PTPRT: variants seen among roughly 807,000 people sequenced by gnomAD.
PTPRT encodes the protein receptor-type tyrosine-protein phosphatase T.
PTPRT carries 56 observed loss-of-function variants against 176.8 expected under a neutral mutation model. That is an observed-to-expected ratio of 0.32 (90% confidence interval 0.26 to 0.40). The LOEUF is 0.40. Ranked by LOEUF, PTPRT falls within the 10% of genes least tolerant of loss-of-function variation. The pLI, the probability that PTPRT is intolerant of heterozygous loss-of-function variation, is 1.00. For synonymous variants in PTPRT, 783 were observed against 739.0 expected (o/e 1.06, Z -0.96); for missense variants, 1,540 against 1,908.2 (o/e 0.81, Z 3.60).
chr20:42,346,297 G>C (rs576477289), intron 11 of PTPRT, among the ~76,000 whole-genome samples: 1 of 152,306 alleles, frequency 6.6e-6, no homozygotes, highest in East Asian at 1.9e-4. Flanking sequence ...TCACTTCAGG[G>C]ACTGCATTAT....
chr20:42,329,496 C>CACAT (rs1555825540), intron 11 of PTPRT, among the ~76,000 whole-genome samples: 10 of 142,654 alleles, frequency 7.0e-5, no homozygotes, highest in East Asian at 2.0e-4. Flanking sequence ...CACACACACA[C>CACAT]ACACACATAC....
chr20:43,056,541 C>T (rs1987240701), intron 1 of PTPRT, among the ~76,000 whole-genome samples: 1 of 152,202 alleles, frequency 6.6e-6, no homozygotes, highest in Non-Finnish European at 1.5e-5. Flanking sequence ...ATGAGGCATA[C>T]ACACACGGTC....
intron 1 of PTPRT, among the ~76,000 whole-genome samples, chr20:42,895,350 T>C (rs909156783): frequency 1.3e-5 from 2 of 152,186 alleles, no homozygotes; most frequent in African/African-American, 2.4e-5. Context: ...CCCAGCCCAA[T>C]GGAACTAAGG....
chr20:42,350,141 A>C (rs2058254347), intron 11 of PTPRT, among the ~76,000 whole-genome samples: 1 of 151,002 alleles, frequency 6.6e-6, no homozygotes, highest in African/African-American at 2.4e-5. Flanking sequence ...GACCCCACTA[A>C]CTAAATTTAC....
chr20:42,492,705 T>G (rs1233008307), intron 7 of PTPRT, among the ~76,000 whole-genome samples: 1 of 152,146 alleles, frequency 6.6e-6, no homozygotes, highest in African/African-American at 2.4e-5. Flanking sequence ...AAATCTGTCC[T>G]TTGGTTATTA....
intron 2 of PTPRT, among the ~76,000 whole-genome samples, chr20:42,824,863 T>C (rs1246378928): frequency 3.9e-5 from 6 of 152,006 alleles, no homozygotes; most frequent in African/African-American, 1.2e-4. Flanking sequence ...AAAATGTAAG[T>C]ACCAGGTAAA....
At chr20:42,639,995 T>C (rs1416227397) in intron 7 of PTPRT, among the ~76,000 whole-genome samples, 2 of 152,286 alleles carry the variant, frequency 1.3e-5, no homozygotes, top group East Asian at 3.9e-4. Context: ...TCAGCAGCTA[T>C]GGACCTATAT....
intron 7 of PTPRT, among the ~76,000 whole-genome samples, chr20:42,581,702 A>T (rs189558084): frequency 1.3e-5 from 2 of 152,200 alleles, no homozygotes; most frequent in Non-Finnish European, 2.9e-5. Flanking sequence ...TGAGACTATG[A>T]AAGGAGTTCT....
At chr20:42,469,625 G>T (rs2145914846) in intron 8 of PTPRT, among the ~76,000 whole-genome samples, 1 of 152,232 alleles carries the variant, frequency 6.6e-6, no homozygotes, top group South Asian at 2.1e-4. Context: ...TGGAGGAAGG[G>T]GCTACAGATT....
At chr20:42,081,020 G>A (rs945380263) in intron 30 of PTPRT, 88 bp from the exon 31 acceptor site, 1 of 1,151,880 alleles carries the variant, frequency 8.7e-7, no homozygotes, top group Admixed American at 2.0e-5. Context: ...TTAGTTTAGA[G>A]ATACAGATTT....
intron 1 of PTPRT, among the ~76,000 whole-genome samples, chr20:42,899,321 G>C (rs185902164): frequency 9.2e-5 from 14 of 152,356 alleles, no homozygotes; most frequent in Admixed American, 2.6e-4. Context: ...CGACACAGAA[G>C]GACAGGCTTA....
At chr20:42,321,716 A>T (rs1329718555) in intron 11 of PTPRT, among the ~76,000 whole-genome samples, 1 of 152,118 alleles carries the variant, frequency 6.6e-6, no homozygotes, top group East Asian at 1.9e-4. Flanking sequence ...GAGGTCTGAG[A>T]TCTTGTCATC....
At position 42,993,510 on chromosome 20, in the gene PTPRT, G is replaced by GTGTGTGTATATATATACACATA. The variant is rs1600631011; in HGVS notation, c.89-107600_89-107579dup. Among the ~76,000 whole-genome samples, 20 of 84,718 alleles carry GTGTGTGTATATATATACACATA rather than the reference G, an allele frequency of 2.4e-4. No homozygotes were observed. The East Asian group carries it at 4.6e-3, about 20-fold the overall frequency. 55.6% of individuals were successfully genotyped at this position (84,718 alleles called of 152,430 possible). On this transcript the variant is annotated intron_variant, in intron 1 of 30. Coordinates refer to ENST00000373187, the MANE Select transcript of PTPRT (RefSeq NM_007050.6). ...TGTGTGTATATATATACACATATATGTGTGTGTATATATATACACATATAT... is the reference window on the plus strand; with the variant it reads ...TGTGTGTATATATATACACATATATGTGTGTGTATATATATACACATATGTGTGTATATATATACACATATAT...
chr20:42,436,474 A>G (rs905227989), intron 9 of PTPRT, among the ~76,000 whole-genome samples: 1 of 152,222 alleles, frequency 6.6e-6, no homozygotes, highest in Admixed American at 6.5e-5. Flanking sequence ...GGGAATACAA[A>G]GCAAGACAAC....
chr20:42,879,041 C>T (rs1366293195), intron 2 of PTPRT, among the ~76,000 whole-genome samples: 1 of 151,940 alleles, frequency 6.6e-6, no homozygotes, highest in East Asian at 1.9e-4. Context: ...AAAAACAAAA[C>T]AAAACAAAAA....
intron 1 of PTPRT, among the ~76,000 whole-genome samples, chr20:43,051,995 T>C (rs1987064537): frequency 6.6e-6 from 1 of 152,192 alleles, no homozygotes; most frequent in African/African-American, 2.4e-5. Context: ...AAAGAATAAA[T>C]GTGAATGAAT....
rs367948746 is a variant in PTPRT, at chr20:42,086,726, CA to C, written c.3847-874del. Among the ~76,000 whole-genome samples the C allele has an allele frequency of 2.2e-3, 183 of 82,176 alleles. 5 individuals are homozygous for C. The highest frequency in any genetic ancestry group is 0.01 in the African/African-American group (166 of 16,170). The allele number at this position is 82,176 out of a possible 152,430, so 53.9% of individuals were successfully genotyped here. ...TGGGTGACACAGCGAGACTCCATCT[CA>C]AAAAAAAAAAAAAAAAAAAAAAAAA... On this transcript the variant is annotated intron_variant, in intron 27 of 30. Coordinates refer to ENST00000373187, the MANE Select transcript of PTPRT (RefSeq NM_007050.6).
intron 17 of PTPRT, among the ~76,000 whole-genome samples, chr20:42,143,588 T>A (rs1988728753): frequency 6.6e-6 from 1 of 150,636 alleles, no homozygotes; most frequent in Admixed American, 6.6e-5. Context: ...GTGGCAGTAC[T>A]CCAGGCAACA....
chr20:42,936,985 C>T (rs73271802), intron 1 of PTPRT, among the ~76,000 whole-genome samples: 2,783 of 152,266 alleles, frequency 0.018, 101 homozygotes, highest in African/African-American at 0.063. Flanking sequence ...GTGGTCCACA[C>T]AGCACACTCG....
Sources: gnomAD v4.1 joint callset for allele counts (sites outside exome capture counted in the v4.1 genomes callset) on GRCh38, gnomAD v4.1.1 for gene constraint, MANE v1.5 for transcripts, NCBI Gene and HGNC (gene_info 2026-07-23, HGNC 2026-07-21) for gene names.